The following SOX5 variants were observed in gnomAD, a reference collection of about 807,000 sequenced individuals.
SOX5 encodes the protein transcription factor SOX-5.
In SOX5, 9 loss-of-function variants were observed where a neutral mutation model predicts 92.0. The ratio of observed to expected loss-of-function variants is 0.10; its 90% CI spans 0.06 to 0.17. The LOEUF is 0.17. Ranked by LOEUF, SOX5 falls within the 10% of genes least tolerant of loss-of-function variation. The probability of loss-of-function intolerance (pLI) is 1.00; values close to 1 mark genes in which losing one functional copy is unlikely to be tolerated. For missense variants in SOX5, 642 were observed against 944.5 expected, an observed-to-expected ratio of 0.68 and a Z score of 4.20; for synonymous variants, 344 against 336.3, an observed-to-expected ratio of 1.02 and a Z score of -0.25.
chr12:24,053,421 C>T (rs539791828), intron 4 of SOX5, among the ~76,000 whole-genome samples: 7 of 152,116 alleles, frequency 4.6e-5, no homozygotes, highest in African/African-American at 1.2e-4. Flanking sequence ...TGAGCTACCG[C>T]GCCTGGCCCC....
intron 6 of SOX5, among the ~76,000 whole-genome samples, chr12:23,726,244 T>C (rs534139104): frequency 3.3e-5 from 5 of 150,902 alleles, no homozygotes; most frequent in Admixed American, 1.3e-4. Flanking sequence ...TAGAAGTTAG[T>C]ACTCTGTCTA....
chr12:24,514,640 C>T (rs138235682), intron 1 of SOX5, among the ~76,000 whole-genome samples: 4 of 152,166 alleles, frequency 2.6e-5, no homozygotes, highest in African/African-American at 4.8e-5. Flanking sequence ...ATAACAAAGA[C>T]ATGGAATCAA....
chr12:24,316,531 C>T (rs1949710965), intron 2 of SOX5, among the ~76,000 whole-genome samples: 1 of 152,120 alleles, frequency 6.6e-6, no homozygotes, highest in Non-Finnish European at 1.5e-5. Context: ...TTGGAATTCT[C>T]TCTCTGGGCC....
At chr12:24,455,376 C>T (rs1428409487) in intron 1 of SOX5, among the ~76,000 whole-genome samples, 1 of 152,118 alleles carries the variant, frequency 6.6e-6, no homozygotes, top group Non-Finnish European at 1.5e-5. Flanking sequence ...ATGTCTCATA[C>T]TGTATGTAAG....
At chr12:23,693,516 C>G (rs879862441) in intron 6 of SOX5, among the ~76,000 whole-genome samples, 3 of 152,160 alleles carry the variant, frequency 2.0e-5, no homozygotes, top group Non-Finnish European at 2.9e-5. Context: ...TTTCTACCCA[C>G]TTACTTTGTG....
intron 2 of SOX5, among the ~76,000 whole-genome samples, chr12:24,282,121 A>T (rs1945282062): frequency 6.6e-6 from 1 of 152,200 alleles, no homozygotes; most frequent in African/African-American, 2.4e-5. Flanking sequence ...GTTGTTTCCT[A>T]ATGTCACCTC....
chr12:23,918,242 T>C (rs1481480462), intron 1 of SOX5, among the ~76,000 whole-genome samples: 16 of 152,200 alleles, frequency 1.1e-4, no homozygotes, highest in African/African-American at 1.7e-4. Context: ...TCATAAGTAA[T>C]TTTTACTGTC....
At chr12:24,165,886 G>C (rs1472234279) in intron 4 of SOX5, among the ~76,000 whole-genome samples, 1 of 152,092 alleles carries the variant, frequency 6.6e-6, no homozygotes, top group Non-Finnish European at 1.5e-5. Flanking sequence ...GGTCACCAAA[G>C]GATGTGATGG....
rs553607056 is a variant in SOX5, at chr12:23,676,402, A to C, written c.811-10838T>G. Among the ~76,000 whole-genome samples the C allele has an allele frequency of 7.9e-5, 12 of 152,332 alleles. No individual in the cohort carries two copies. In the South Asian group the frequency reaches 2.5e-3, roughly 32 times the overall value. ...ATCCATGAACCCCTAAAAAAGCTAC[A>C]CTTTATACTCAAGAACAAGTTTTTC... is the stretch of plus-strand genomic sequence containing the variant. On this transcript the variant is annotated intron_variant, in intron 6 of 14. Transcript: ENST00000451604.
intron 3 of SOX5, among the ~76,000 whole-genome samples, chr12:23,794,378 T>C (rs993990343): frequency 3.9e-5 from 6 of 152,176 alleles, no homozygotes; most frequent in African/African-American, 1.4e-4. Context: ...GATGTCAACA[T>C]ATTTTTTCAC....
At chr12:23,536,340 G>A in intron 14 of SOX5, 113 bp downstream of exon 14, 2 of 809,398 alleles carry the variant, frequency 2.5e-6, no homozygotes, top group Non-Finnish European at 2.0e-6. Flanking sequence ...AAAATACTGT[G>A]AGCTCAGATT....
Position 23,996,857 on chromosome 12 carries a change from A to T in SOX5, c.-1-100833T>A, listed in dbSNP as rs191047356. On this transcript the variant is annotated intron_variant, in intron 4 of 4. Transcript: ENST00000446891. ...GGGAATGGCTGCTTACTGAGTATGG[A>T]ATTTTCTTTTGAGGTGATGAAACTA... Among the ~76,000 whole-genome samples the T allele has an allele frequency of 7.9e-5, 12 of 152,280 alleles. No homozygotes were observed. In the East Asian group the frequency reaches 2.3e-3, roughly 29 times the overall value.
intron 6 of SOX5, among the ~76,000 whole-genome samples, chr12:23,724,670 A>G (rs2093017566): frequency 6.6e-6 from 1 of 152,064 alleles, no homozygotes. Flanking sequence ...AAGTTTTGGG[A>G]TTATTTTGGA....
chr12:23,835,988 G>A (rs2096408413), intron 3 of SOX5, among the ~76,000 whole-genome samples: 1 of 151,878 alleles, frequency 6.6e-6, no homozygotes, highest in Non-Finnish European at 1.5e-5. Context: ...GGTTTTCATC[G>A]AGATTGAAAG....
intron 6 of SOX5, among the ~76,000 whole-genome samples, chr12:23,720,084 T>A (rs2092730405): frequency 6.6e-6 from 1 of 152,198 alleles, no homozygotes; most frequent in African/African-American, 2.4e-5. Flanking sequence ...CAAAAAAGAC[T>A]CATTCCATGT....
At chr12:23,562,224 C>G (rs978582906) in intron 11 of SOX5, among the ~76,000 whole-genome samples, 1 of 152,068 alleles carries the variant, frequency 6.6e-6, no homozygotes. Flanking sequence ...CCTGGACACA[C>G]GATAGAATTG....
chr12:23,783,394 G>T (rs2095319776), intron 3 of SOX5, among the ~76,000 whole-genome samples: 1 of 152,140 alleles, frequency 6.6e-6, no homozygotes, highest in African/African-American at 2.4e-5. Flanking sequence ...TCTGGGGGAA[G>T]AACAGATAAT....
At chr12:24,128,347 C>A (rs2138442704) in intron 4 of SOX5, among the ~76,000 whole-genome samples, 1 of 152,286 alleles carries the variant, frequency 6.6e-6, no homozygotes, top group South Asian at 2.1e-4. Flanking sequence ...AGGCATTAAC[C>A]TTTACTCCTT....
At chr12:24,191,873 C>G (rs1956562080) in intron 4 of SOX5, among the ~76,000 whole-genome samples, 1 of 152,182 alleles carries the variant, frequency 6.6e-6, no homozygotes, top group East Asian at 1.9e-4. Flanking sequence ...GGCAGTGATA[C>G]TGCTCTGGGG....
Sources: allele counts gnomAD v4.1 joint callset (sites outside exome capture counted in the v4.1 genomes callset), GRCh38; gene constraint gnomAD v4.1.1; transcripts MANE v1.5; gene names NCBI Gene and HGNC (gene_info 2026-07-23, HGNC 2026-07-21).